Variants in EYA2 observed in about 807,000 individuals in gnomAD.
EYA2 encodes the protein EYA transcriptional coactivator and phosphatase 2.
A neutral mutation model predicts 69.2 loss-of-function variants in EYA2; 31 were observed. The ratio of observed to expected loss-of-function variants is 0.45; its 90% CI spans 0.34 to 0.60. The LOEUF (loss-of-function observed/expected upper bound fraction) is 0.60, where lower values mean the gene tolerates loss of function less well. Among genes scored for constraint, EYA2 ranks in the 20% least tolerant of loss-of-function variants. EYA2 has a pLI of 0.02. For synonymous variants in EYA2, 257 were observed against 279.4 expected, an observed-to-expected ratio of 0.92 and a Z score of 0.80; for missense variants, 622 against 701.2, an observed-to-expected ratio of 0.89 and a Z score of 1.28.
rs116242271 is a variant in EYA2, at chr20:46,994,592, C to T, written c.109+4473C>T. Among the ~76,000 whole-genome samples, 186 of 152,276 alleles carry T rather than the reference C, an allele frequency of 1.2e-3. 2 individuals carry two copies. The highest frequency in any genetic ancestry group is 4.2e-3 in the African/African-American group (173 of 41,556). Reference sequence around the variant, plus strand: ...CTCACCGGTTCCAACCCGGGGCTGACGGGTTTTGATTCATTTCATCCAAAC... The same window carrying T: ...CTCACCGGTTCCAACCCGGGGCTGATGGGTTTTGATTCATTTCATCCAAAC... On this transcript the variant is annotated intron_variant, in intron 2 of 15. Coordinates refer to ENST00000327619, the MANE Select transcript of EYA2 (RefSeq NM_005244.5).
At chr20:47,078,738 A>G (rs1422662351) in intron 7 of EYA2, among the ~76,000 whole-genome samples, 1 of 152,250 alleles carries the variant, frequency 6.6e-6, no homozygotes, top group Non-Finnish European at 1.5e-5. Context: ...TAAATATGAT[A>G]CAAATTATCT....
intron 10 of EYA2, chr20:47,160,991 T>G: frequency 3.3e-6 from 1 of 301,078 alleles, no homozygotes; most frequent in South Asian, 4.3e-5. Context: ...GTCGGGTAGC[T>G]GTAGGTCTTA....
At chr20:47,164,999 G>A (rs75064030) in intron 10 of EYA2, among the ~76,000 whole-genome samples, 2,816 of 152,302 alleles carry the variant, frequency 0.018, 96 homozygotes, top group African/African-American at 0.064. Flanking sequence ...GCGCTGTCCA[G>A]TAGAGATTTC....
intron 1 of EYA2, among the ~76,000 whole-genome samples, chr20:46,953,473 A>G (rs1432611465): frequency 6.6e-6 from 1 of 152,234 alleles, no homozygotes; most frequent in Non-Finnish European, 1.5e-5. Flanking sequence ...ATGAAAGTAG[A>G]TTAGAATGAG....
intron 5 of EYA2, among the ~76,000 whole-genome samples, chr20:47,038,793 C>G (rs113746790): frequency 5.9e-5 from 9 of 152,172 alleles, no homozygotes; most frequent in Non-Finnish European, 1.2e-4. Flanking sequence ...TGGCAGCCAC[C>G]GAGGACTTCC....
At chr20:47,120,315 G>A (rs2033012279) in intron 9 of EYA2, among the ~76,000 whole-genome samples, 2 of 152,200 alleles carry the variant, frequency 1.3e-5, no homozygotes, top group Admixed American at 1.3e-4. Flanking sequence ...GTTCAAGGCT[G>A]TGGTGAGCTA....
chr20:47,178,327 T>A (rs1485848724), intron 12 of EYA2, among the ~76,000 whole-genome samples: 1 of 124,942 alleles, frequency 8.0e-6, no homozygotes, highest in Non-Finnish European at 1.6e-5. Flanking sequence ...CAGAGCAAGA[T>A]CTTGTCTCAA....
At chr20:47,158,246 G>A (rs1015011566) in intron 10 of EYA2, among the ~76,000 whole-genome samples, 1 of 151,966 alleles carries the variant, frequency 6.6e-6, no homozygotes, top group East Asian at 2.0e-4. Flanking sequence ...TGGGTGCAGT[G>A]GCTCACGCCT....
intron 1 of EYA2, among the ~76,000 whole-genome samples, chr20:46,944,652 C>A (rs1978349509): frequency 6.6e-6 from 1 of 152,134 alleles, no homozygotes; most frequent in Non-Finnish European, 1.5e-5. Context: ...TAGGACCTGG[C>A]ATATAATTCC....
chr20:47,044,599 A>G (rs1454829800), intron 5 of EYA2, among the ~76,000 whole-genome samples: 1 of 152,210 alleles, frequency 6.6e-6, no homozygotes, highest in African/African-American at 2.4e-5. Flanking sequence ...CGTTGAGCAC[A>G]TGGTTCATTC....
chr20:47,025,391 CTA>C (rs1984021229), intron 5 of EYA2, among the ~76,000 whole-genome samples: 1 of 152,308 alleles, frequency 6.6e-6, no homozygotes, highest in East Asian at 1.9e-4. Flanking sequence ...AAACACTTGT[CTA>C]TATTCTTTTC....
At chr20:47,171,028 G>A (rs968988028) in intron 11 of EYA2, among the ~76,000 whole-genome samples, 1 of 152,192 alleles carries the variant, frequency 6.6e-6, no homozygotes, top group African/African-American at 2.4e-5. Flanking sequence ...ATCAGGACTG[G>A]CAAGGAGCAA....
chr20:47,116,160 C>T (rs1400272041), intron 9 of EYA2, among the ~76,000 whole-genome samples: 1 of 143,054 alleles, frequency 7.0e-6, no homozygotes, highest in Non-Finnish European at 1.5e-5. Flanking sequence ...AGAATAACAT[C>T]ATCATCCTTC....
chr20:46,984,905 G>A (rs1463495399), intron 1 of EYA2, among the ~76,000 whole-genome samples: 1 of 152,072 alleles, frequency 6.6e-6, no homozygotes, highest in Non-Finnish European at 1.5e-5. Context: ...CAATAGAGTG[G>A]GTGTGCAGTA....
At chr20:47,143,024 G>A (rs915577727) in intron 9 of EYA2, 35 bp from the exon 10 acceptor site, 12 of 1,591,870 alleles carry the variant, frequency 7.5e-6, no homozygotes, top group Admixed American at 3.4e-5. Flanking sequence ...CTCAGGCTCC[G>A]CGTGCATGTG....
intron 5 of EYA2, among the ~76,000 whole-genome samples, chr20:47,023,143 G>A (rs770417986): frequency 2.6e-5 from 4 of 151,950 alleles, no homozygotes; most frequent in Admixed American, 6.6e-5. Flanking sequence ...CATCCACCCC[G>A]TTTCCAAACC....
At chr20:46,979,221 C>A (rs1052581894) in intron 1 of EYA2, among the ~76,000 whole-genome samples, 4 of 152,196 alleles carry the variant, frequency 2.6e-5, no homozygotes, top group Admixed American at 2.6e-4. Flanking sequence ...GCTTTTGATC[C>A]CTCCCAGCCT....
chr20:47,090,483 AC>A (rs2146507307), intron 8 of EYA2, among the ~76,000 whole-genome samples: 1 of 149,428 alleles, frequency 6.7e-6, no homozygotes, highest in African/African-American at 2.5e-5. Context: ...CAACTGACCT[AC>A]CCGCCTTGGC....
At chr20:46,919,526 A>T (rs993512668) in intron 1 of EYA2, among the ~76,000 whole-genome samples, 4 of 152,224 alleles carry the variant, frequency 2.6e-5, no homozygotes, top group Admixed American at 2.0e-4. Flanking sequence ...TTTCTTCTGC[A>T]GCTTCCTCAT....
Sources: allele counts gnomAD v4.1 joint callset (sites outside exome capture counted in the v4.1 genomes callset), GRCh38; gene constraint gnomAD v4.1.1; transcripts MANE v1.5; gene names NCBI Gene and HGNC (gene_info 2026-07-23, HGNC 2026-07-21).